THBS3: variants seen among roughly 807,000 people sequenced by gnomAD.
THBS3 encodes thrombospondin-3.
In THBS3, 78 loss-of-function variants were observed where a neutral mutation model predicts 118.3. That is an observed-to-expected ratio of 0.66 (90% CI 0.55 to 0.80). The LOEUF (loss-of-function observed/expected upper bound fraction) is 0.80. Ranked by LOEUF, THBS3 falls within the 30% of genes least tolerant of loss-of-function variation. THBS3 has a pLI of 0.00. For missense variants in THBS3, 1,057 were observed against 1,247.4 expected, an observed-to-expected ratio of 0.85 and a Z score of 2.30; for synonymous variants, 427 against 475.3, an observed-to-expected ratio of 0.90 and a Z score of 1.32.
chr1:155,198,554 T>G lies in THBS3; in HGVS notation c.1929A>C (p.Pro643=). ...QDTKDNCPQL[P]NSSQLDSDND... is the part of the protein sequence containing the mutation. The stretch of plus-strand genomic sequence containing the variant: ...TATCAGAGTCCAGCTGGGAGCTATT[T>G]GGCAGCTGTGGGCAGTTGTCCTTGG... Residue 643 remains proline, a synonymous_variant, in exon 17 of 23, where the codon CCA becomes CCC. Transcript: ENST00000368378. The G allele has an allele frequency of 1.2e-6, 2 of 1,614,240 alleles. No individual in the cohort carries two copies. The highest frequency in any genetic ancestry group is 1.7e-6 in the Non-Finnish European group (2 of 1,180,032).
At position 155,197,831 on chromosome 1, in the gene THBS3, A is replaced by G. The variant is rs760987625; in HGVS notation, c.2302+49T>C. The G allele has an allele frequency of 2.5e-5, 41 of 1,612,878 alleles. No individual in the cohort carries two copies. Among genetic ancestry groups the G allele is most frequent in the East Asian group, 4.5e-5 (2 of 44,864 alleles). On this transcript the variant is annotated intron_variant, in intron 19 of 22. Coordinates refer to ENST00000368378, the MANE Select transcript of THBS3 (RefSeq NM_007112.5). The surrounding 1 kb of genome is among the most constrained non-coding windows in gnomAD (Gnocchi z 5.0). ...GTTTCCTCCCCTACCCTCTGCCCCT[A>G]TAGGATTCCTCCATTTGGAAGTGAT...
chr1:155,197,413 G>C lies in THBS3; in HGVS notation c.2499+50C>G. On this transcript the variant is annotated intron_variant, in intron 20 of 22. Coordinates refer to ENST00000368378, the MANE Select transcript of THBS3 (RefSeq NM_007112.5). The surrounding 1 kb of genome is among the most constrained non-coding windows in gnomAD (Gnocchi z 5.0). Reference sequence around the variant, plus strand: ...TGGGGGAGGCCCTGGGGCTGCAGAGGAGAGCTTTGGGAAAGGGCCCTGGGT... The same window carrying C: ...TGGGGGAGGCCCTGGGGCTGCAGAGCAGAGCTTTGGGAAAGGGCCCTGGGT... 1.3e-6 allele frequency: 2 copies of C among 1,591,664 alleles called. No homozygotes were observed. Among genetic ancestry groups the C allele is most frequent in the Non-Finnish European group, 1.7e-6 (2 of 1,167,952 alleles).
upstream of THBS3, chr1:155,207,960 G>T: frequency 1.6e-6 from 2 of 1,265,284 alleles, no homozygotes; most frequent in Non-Finnish European, 2.2e-6. Context: ...GCCGGGGGGC[G>T]GAGGGACAGA....
At chr1:155,200,280 C>G in intron 14 of THBS3, 167 bp from the exon 15 acceptor site, 1 of 1,002,894 alleles carries the variant, frequency 1.0e-6, no homozygotes, top group Non-Finnish European at 1.5e-6. Context: ...ACACTACGCC[C>G]TACCTCACAT....
intron 17 of THBS3, 88 bp from the exon 18 acceptor site, chr1:155,198,308 T>TCTTTCCCCAC: frequency 6.3e-7 from 1 of 1,588,314 alleles, no homozygotes; most frequent in Non-Finnish European, 8.6e-7. Context: ...ATTCCTGACA[T>TCTTTCCCCAC]CTTTCCCCAC....
intron 11 of THBS3, 21 bp from the exon 12 acceptor site, chr1:155,201,225 G>A: frequency 6.2e-7 from 1 of 1,613,798 alleles, no homozygotes; most frequent in Non-Finnish European, 8.5e-7. Context: ...ACAAAGGGTA[G>A]GAGCTAGCAG....
At chr1:155,196,284 A>AG (rs1160124777) in intron 21 of THBS3, 158 bp from the exon 22 acceptor site, 3 of 895,466 alleles carry the variant, frequency 3.4e-6, no homozygotes, top group South Asian at 1.7e-5. Flanking sequence ...AGGAGAGGGA[A>AG]GGGGGGTGCT....
rs1289158829 is a variant in THBS3, at chr1:155,200,536, A to G, written c.1623T>C (p.Asn541=). 4 of 1,613,874 alleles carry G rather than the reference A, an allele frequency of 2.5e-6. No homozygotes were observed. The highest frequency in any genetic ancestry group is 1.1e-5 in the South Asian group (1 of 91,044). The part of the protein sequence containing the change: ...DTDSFGDACD[N]CPNVPNNDQK... ...GGTCATTGTTGGGAACGTTGGGGCAATTGTCACAGGCATCACCAAATGAAT... is the reference window on the plus strand; with the variant it reads ...GGTCATTGTTGGGAACGTTGGGGCAGTTGTCACAGGCATCACCAAATGAAT... The change falls in exon 14 of 23, where the codon AAT becomes AAC. Residue 541 remains asparagine (N), a synonymous_variant. Transcript: ENST00000368378.
At position 155,198,552 on chromosome 1, in the gene THBS3, T is replaced by C. The variant is rs1305377583; in HGVS notation, c.1931A>G (p.Asn644Ser). The C allele has an allele frequency of 1.2e-6, 2 of 1,614,228 alleles. No individual in the cohort carries two copies. Among genetic ancestry groups the C allele is most frequent in the Admixed American group, 3.3e-5 (2 of 60,028 alleles). ...GTTATCAGAGTCCAGCTGGGAGCTA[T>C]TTGGCAGCTGTGGGCAGTTGTCCTT... ...DTKDNCPQLPNSSQLDSDNDG... is the reference protein window; with the variant it reads ...DTKDNCPQLPSSSQLDSDNDG... The change falls in exon 17 of 23, where the codon AAT (asparagine) becomes AGT (serine). Residue 644 changes from asparagine to serine, a missense_variant. Physicochemically the swap from Asn to Ser is conservative, Grantham distance 46. Around this residue, in one of 3 missense-constraint regions of THBS3, gnomAD observed 544 missense variants for 715.6 expected, o/e 0.76. Transcript: ENST00000368378.
chr1:155,201,895 G>A (rs1215475984), intron 10 of THBS3, 62 bp downstream of exon 10: 4 of 1,605,318 alleles, frequency 2.5e-6, no homozygotes, highest in South Asian at 1.1e-5. Context: ...GGTAAGAAGG[G>A]GCGGGGGTTG....
At chr1:155,200,189 AC>A in intron 14 of THBS3, 76 bp from the exon 15 acceptor site, 1 of 1,347,314 alleles carries the variant, frequency 7.4e-7, no homozygotes, top group Non-Finnish European at 1.0e-6. Context: ...AAAGTCCCGA[AC>A]TTTGTCTCCC....
upstream of THBS3, chr1:155,208,956 G>C (rs774846663): frequency 5.0e-6 from 8 of 1,609,152 alleles, no homozygotes; most frequent in Non-Finnish European, 6.8e-6. Flanking sequence ...GCGCCTTCAG[G>C]GGTTCGGGGC....
Position 155,198,113 on chromosome 1 carries a change from C to T in THBS3, c.2182G>A (p.Ala728Thr). Reference protein sequence around the residue: ...SAEVTLTDFRAYQTVVLDPEG... With the variant: ...SAEVTLTDFRTYQTVVLDPEG... ...GGATCCAGGACGACGGTCTGATAGGCCCGAAAATCCGTAAGCGTTACCTCT... is the reference window on the plus strand; with the variant it reads ...GGATCCAGGACGACGGTCTGATAGGTCCGAAAATCCGTAAGCGTTACCTCT... Residue 728 changes from alanine (A) to threonine (T), a missense_variant, in exon 18 of 23, where the codon GCC (alanine) becomes ACC (threonine). Ala to Thr is a moderately conservative substitution (Grantham distance 58, BLOSUM62 0). Transcript: ENST00000368378. 1.2e-6 allele frequency: 2 copies of T among 1,614,160 alleles called. No homozygotes were observed. The highest frequency in any genetic ancestry group is 8.5e-7 in the Non-Finnish European group (1 of 1,180,026).
rs748552472 is a variant in THBS3 at position 155,206,190 on chromosome 1, C to T, written c.286+10G>A. The stretch of plus-strand genomic sequence containing the variant: ...TCACCATTGCAAGAAAGGAGATGCC[C>T]ACCAGTCACCTTTGTTGATCTTGCC... On this transcript the variant is annotated intron_variant, in intron 2 of 22. Coordinates refer to ENST00000368378, the MANE Select transcript of THBS3 (RefSeq NM_007112.5). This position sits in a 1 kb window ranked among gnomAD's most constrained non-coding sequence, Gnocchi z 4.2. 1.2e-6 allele frequency: 2 copies of T among 1,613,300 alleles called. No individual in the cohort carries two copies. Among genetic ancestry groups the T allele is most frequent in the South Asian group, 1.1e-5 (1 of 91,024 alleles).
chr1:155,201,342 A>T, intron 11 of THBS3, 75 bp downstream of exon 11: 1 of 1,566,910 alleles, frequency 6.4e-7, no homozygotes. Flanking sequence ...AAGACCCCCA[A>T]CCCAGGCCCT....
At position 155,206,530 on chromosome 1, in the gene THBS3, C is replaced by T; in HGVS notation, c.80-124G>A. ...GCGTTAGTCACCTCAAAATTCAACC[C>T]TTGGCTGGGCATGGTGGCTCGCACC... On this transcript the variant is annotated intron_variant, in intron 1 of 22. Transcript: ENST00000368378. This position sits in a 1 kb window ranked among gnomAD's most constrained non-coding sequence, Gnocchi z 4.2. The T allele has an allele frequency of 1.2e-6, 1 of 818,714 alleles. No individual in the cohort carries two copies. The highest frequency in any genetic ancestry group is 1.6e-5 in the South Asian group (1 of 62,412). The allele number at this position is 818,714 out of a possible 1,614,324, so 50.7% of individuals were successfully genotyped here. A position where few individuals can be genotyped will look rare whatever the true frequency, so the allele number is the denominator to read the frequency against.
At chr1:155,208,739 C>T (rs1670893990), upstream of THBS3, 6 of 1,424,940 alleles carry the variant, frequency 4.2e-6, no homozygotes, top group African/African-American at 7.4e-5. Context: ...CGCCACCGCC[C>T]CTGTTTTGTT....
At chr1:155,201,799 G>T in intron 10 of THBS3, 158 bp downstream of exon 10, 1 of 1,160,948 alleles carries the variant, frequency 8.6e-7, no homozygotes, top group Non-Finnish European at 1.2e-6. Context: ...CTAGCAAGAG[G>T]CAAACCAGTA....
intron 16 of THBS3, 90 bp downstream of exon 16, chr1:155,199,714 C>CACT: frequency 7.0e-7 from 1 of 1,419,876 alleles, no homozygotes; most frequent in Non-Finnish European, 9.8e-7. Flanking sequence ...AAGATCGTGC[C>CACT]ACTGTACTCC....
Sources: allele counts gnomAD v4.1 joint callset, GRCh38; gene constraint gnomAD v4.1.1; regional missense constraint gnomAD v4.1.1; non-coding constraint Gnocchi (gnomAD v3.1); transcripts MANE v1.5; gene names NCBI Gene and HGNC (gene_info 2026-07-23, HGNC 2026-07-21).